Variants in SPEG observed in about 807,000 individuals in gnomAD.
SPEG encodes the protein striated muscle enriched protein kinase.
Under a neutral mutation model 300.4 loss-of-function variants are expected in SPEG, and 114 were observed. That is an observed-to-expected ratio of 0.38 (90% CI 0.33 to 0.44). SPEG has a LOEUF of 0.44. Among genes scored for constraint, SPEG ranks in the 20% least tolerant of loss-of-function variants. SPEG has a pLI of 1.00. For synonymous variants in SPEG, 1,964 were observed against 2,018.9 expected, an observed-to-expected ratio of 0.97 and a Z score of 0.73; for missense variants, 4,201 against 4,586.2, an observed-to-expected ratio of 0.92 and a Z score of 2.43.
At chr2:219,466,298 C>G (rs2125449432) in intron 9 of SPEG, 20 of 1,419,334 alleles carry the variant, frequency 1.4e-5, no homozygotes, top group South Asian at 4.6e-5. Flanking sequence ...CCAGGAGGCC[C>G]ACAGATGGAC....
intron 9 of SPEG, chr2:219,466,724 A>C: frequency 1.0e-6 from 1 of 1,001,554 alleles, no homozygotes; most frequent in Non-Finnish European, 1.2e-6. Context: ...CTTCTCTGTC[A>C]GGGCTGGGGT....
rs1454878313 is a variant in SPEG, at chr2:219,484,443, T to C, written c.6980T>C (p.Leu2327Ser). 6 of 1,611,174 alleles carry C rather than the reference T, an allele frequency of 3.7e-6. No individual in the cohort carries two copies. Among genetic ancestry groups the C allele is most frequent in the East Asian group, 2.2e-5 (1 of 44,826 alleles). ...GSSLSSSIEN[L>S]ESEAVFEAKF... ...AGTCTCAGTAGCAGCATCGAAAACTTGGAGTCGGAGGCCGTGTTCGAGGCC... is the reference window on the plus strand; with the variant it reads ...AGTCTCAGTAGCAGCATCGAAAACTCGGAGTCGGAGGCCGTGTTCGAGGCC... Residue 2327 changes from leucine to serine, a missense_variant, in exon 30 of 41, where the codon TTG (leucine) becomes TCG (serine). Leu to Ser is a moderately radical substitution (Grantham distance 145). Coordinates refer to ENST00000312358, the MANE Select transcript of SPEG (RefSeq NM_005876.5).
rs1161958739 is a variant in SPEG, at chr2:219,458,802, CA to C, written c.2441-3079del. Reference sequence around the variant, plus strand: ...TGCTTTTTAAAATGCAGTTTCCTGACATCTCATTTCAGAAAATCTAATTCTG... The same window carrying C: ...TGCTTTTTAAAATGCAGTTTCCTGACTCTCATTTCAGAAAATCTAATTCTG... On this transcript the variant is annotated intron_variant, in intron 6 of 40. Coordinates refer to ENST00000312358, the MANE Select transcript of SPEG (RefSeq NM_005876.5). This position sits in a 1 kb window ranked among gnomAD's most constrained non-coding sequence, Gnocchi z 4.2. 1.3e-5 allele frequency among the ~76,000 whole-genome samples: 2 copies of C among 152,322 alleles called. No homozygotes were observed. Among genetic ancestry groups the C allele is most frequent in the East Asian group, 3.9e-4 (2 of 5,188 alleles).
rs1458151064 is a variant in SPEG at position 219,489,727 on chromosome 2, G to A, written c.8709G>A (p.Val2903=). The A allele has an allele frequency of 4.3e-6, 7 of 1,613,990 alleles. No homozygotes were observed. The highest frequency in any genetic ancestry group is 5.9e-6 in the Non-Finnish European group (7 of 1,179,988). ...PVSSSTPVYV[V]TSFVSAPPAP... ...CTTCCTCTACTCCTGTGTATGTGGTGACTTCCTTTGTGTCTGCACCACCAG... is the reference window on the plus strand; with the variant it reads ...CTTCCTCTACTCCTGTGTATGTGGTAACTTCCTTTGTGTCTGCACCACCAG... The change falls in exon 36 of 41, where the codon GTG becomes GTA. Residue 2903 remains valine, a synonymous_variant. Coordinates refer to ENST00000312358, the MANE Select transcript of SPEG (RefSeq NM_005876.5).
chr2:219,444,074 C>T lies in SPEG; in HGVS notation c.389-579C>T. ...GCAAAGTTACGGTAGGAAACTGGCT[C>T]CTGCTCTAGCCCCCCGCATCCCCCC... On this transcript the variant is annotated intron_variant, in intron 1 of 40. Coordinates refer to ENST00000312358, the MANE Select transcript of SPEG (RefSeq NM_005876.5). The surrounding 1 kb of genome is among the most constrained non-coding windows in gnomAD (Gnocchi z 7.8). 7.3e-7 allele frequency: 1 copy of T among 1,363,360 alleles called. No individual in the cohort carries two copies. The highest frequency in any genetic ancestry group is 9.8e-7 in the Non-Finnish European group (1 of 1,020,544). 84.5% of individuals were successfully genotyped at this position (1,363,360 alleles called of 1,614,324 possible).
In SPEG at chr2:219,483,229, G is replaced by T; in HGVS notation, c.5766G>T (p.Ser1922=). Residue 1922 remains serine (S), a synonymous_variant, in exon 30 of 41, where the codon TCG becomes TCT. Coordinates refer to ENST00000312358, the MANE Select transcript of SPEG (RefSeq NM_005876.5). The part of the protein sequence containing the change: ...PPPSGGLSSS[S]DSEEEELEEL... ...CCAGTGGGGGGCTCTCATCCTCCTC[G>T]GATTCTGAAGAGGAAGAGCTGGAAG... 6.2e-7 allele frequency: 1 copy of T among 1,610,496 alleles called. No individual in the cohort carries two copies. The highest frequency in any genetic ancestry group is 8.5e-7 in the Non-Finnish European group (1 of 1,179,086).
chr2:219,444,769 A>G lies in SPEG; in HGVS notation c.478+27A>G, dbSNP rs777347043. The G allele has an allele frequency of 6.2e-7, 1 of 1,612,780 alleles. No homozygotes were observed. Among genetic ancestry groups the G allele is most frequent in the Non-Finnish European group, 8.5e-7 (1 of 1,179,260 alleles). On this transcript the variant is annotated intron_variant, in intron 2 of 40. Coordinates refer to ENST00000312358, the MANE Select transcript of SPEG (RefSeq NM_005876.5). This position sits in a 1 kb window ranked among gnomAD's most constrained non-coding sequence, Gnocchi z 7.8. ...TGAGCTCCTGGGGTGTACAAAGAGC[A>G]GGCAGGCGGGTTTTCCATAAGGGGT... is the stretch of plus-strand genomic sequence containing the variant.
At position 219,490,051 on chromosome 2, in the gene SPEG, G is replaced by A. The variant is rs540477497; in HGVS notation, c.8921+112G>A. The A allele has an allele frequency of 5.2e-5, 66 of 1,257,374 alleles. No homozygotes were observed. In the East Asian group the frequency reaches 1.5e-3, roughly 28 times the overall value. 77.9% of individuals were successfully genotyped at this position (1,257,374 alleles called of 1,614,324 possible). A position where few individuals can be genotyped will look rare whatever the true frequency, so the allele number is the denominator to read the frequency against. On this transcript the variant is annotated intron_variant, in intron 36 of 40. Transcript: ENST00000312358. ...CCTGGCTGGGGTGGGGGGAGGTGCT[G>A]AGACCTGGGTTATTAGAATGATTGC...
At position 219,439,771 on chromosome 2, in the gene SPEG, G is replaced by A. The variant is rs763847601; in HGVS notation, c.388+4406G>A. On this transcript the variant is annotated intron_variant, in intron 1 of 40. Transcript: ENST00000312358. The surrounding 1 kb of genome is among the most constrained non-coding windows in gnomAD (Gnocchi z 4.5). ...GGCCCCTCCTGGGCCCAGCTGTCCCGTCACTCACGCCCGCTGCCCATTGGT... is the reference window on the plus strand; with the variant it reads ...GGCCCCTCCTGGGCCCAGCTGTCCCATCACTCACGCCCGCTGCCCATTGGT... Among the ~76,000 whole-genome samples, 77 of 152,276 alleles carry A rather than the reference G, an allele frequency of 5.1e-4. No homozygotes were observed. The highest frequency in any genetic ancestry group is 8.2e-4 in the Non-Finnish European group (56 of 68,028).
chr2:219,467,780 T>G (rs1433730257), intron 10 of SPEG, among the ~76,000 whole-genome samples: 1 of 152,248 alleles, frequency 6.6e-6, no homozygotes, highest in Non-Finnish European at 1.5e-5. Context: ...ACAGGGATGG[T>G]GATCATTCCT....
rs761174365 is a variant in SPEG, at chr2:219,492,876, C to A, written c.*90C>A. The A allele has an allele frequency of 7.5e-7, 1 of 1,337,238 alleles. No homozygotes were observed. Among genetic ancestry groups the A allele is most frequent in the Non-Finnish European group, 1.0e-6 (1 of 967,602 alleles). The allele number at this position is 1,337,238 out of a possible 1,614,324, so 82.8% of individuals were successfully genotyped here. On this transcript the variant is annotated 3_prime_UTR_variant, in exon 41 of 41. Transcript: ENST00000312358. Reference sequence around the variant, plus strand: ...CAGGGCCCACGCTGAGCCAGGCGGGCCTGGGGCTTCGGTTACCACCAGCAG... The same window carrying A: ...CAGGGCCCACGCTGAGCCAGGCGGGACTGGGGCTTCGGTTACCACCAGCAG...
rs759243586 is a variant in SPEG at position 219,483,896 on chromosome 2, G to T, written c.6433G>T (p.Ala2145Ser). Residue 2145 changes from alanine (A) to serine (S), a missense_variant, in exon 30 of 41, where the codon GCG (alanine) becomes TCG (serine). Transcript: ENST00000312358. ...GGAGCCCCGGGGCCGGCACCGCCGA[G>T]CGGGGGCGCCCCTCGAGATCCCCGT... ...EAEPRGRHRR[A>S]GAPLEIPVAR... 1.2e-6 allele frequency: 2 copies of T among 1,600,702 alleles called. No individual in the cohort carries two copies. The highest frequency in any genetic ancestry group is 1.1e-5 in the South Asian group (1 of 90,854).
At chr2:219,453,369 G>T (rs914408837) in intron 6 of SPEG, among the ~76,000 whole-genome samples, 66 of 152,268 alleles carry the variant, frequency 4.3e-4, no homozygotes, top group Middle Eastern at 3.2e-3. Flanking sequence ...ACGGATGAAA[G>T]CGAATGTGTG....
Position 219,434,929 on chromosome 2 carries a change from C to A in SPEG, c.-49C>A. The A allele has an allele frequency of 7.0e-7, 1 of 1,426,186 alleles. No homozygotes were observed. Among genetic ancestry groups the A allele is most frequent in the Non-Finnish European group, 9.2e-7 (1 of 1,090,960 alleles). The allele number at this position is 1,426,186 out of a possible 1,614,324, so 88.3% of individuals were successfully genotyped here. A position where few individuals can be genotyped will look rare whatever the true frequency, so the allele number is the denominator to read the frequency against. ...CCTAGGGCACCGTCCCGCGGGTGCCCCCGTGGCCGCCCAGTTCCGGCGTCC... is the reference window on the plus strand; with the variant it reads ...CCTAGGGCACCGTCCCGCGGGTGCCACCGTGGCCGCCCAGTTCCGGCGTCC... On this transcript the variant is annotated 5_prime_UTR_variant, in exon 1 of 41. Coordinates refer to ENST00000312358, the MANE Select transcript of SPEG (RefSeq NM_005876.5).
chr2:219,462,336 T>C lies in SPEG; in HGVS notation c.2655T>C (p.Asp885=). The change falls in exon 8 of 41, where the codon GAT becomes GAC. Residue 885 remains aspartate, a synonymous_variant. Transcript: ENST00000312358. The part of the protein sequence containing the change: ...LMDQSVREGQ[D]VIMSIRVQGE... Reference sequence around the variant, plus strand: ...ACCAGTCAGTAAGAGAAGGCCAAGATGTCATCATGAGCATCCGCGTGCAGG... The same window carrying C: ...ACCAGTCAGTAAGAGAAGGCCAAGACGTCATCATGAGCATCCGCGTGCAGG... The C allele has an allele frequency of 1.9e-6, 3 of 1,570,218 alleles. No homozygotes were observed. The highest frequency in any genetic ancestry group is 2.6e-6 in the Non-Finnish European group (3 of 1,156,428).
intron 9 of SPEG, chr2:219,466,005 G>T: frequency 2.6e-6 from 4 of 1,527,790 alleles, no homozygotes; most frequent in Non-Finnish European, 3.6e-6. Context: ...GTGCGTGCGC[G>T]TATGCTGCAC....
At chr2:219,466,528 G>A in intron 9 of SPEG, 1 of 1,080,308 alleles carries the variant, frequency 9.3e-7, no homozygotes, top group South Asian at 3.3e-5. Context: ...CCAAGGAGCA[G>A]GGGCTGTTGA....
Position 219,472,896 on chromosome 2 carries a change from A to G in SPEG, c.3947A>G (p.Asp1316Gly). The G allele has an allele frequency of 1.9e-6, 3 of 1,581,126 alleles. No homozygotes were observed. The highest frequency in any genetic ancestry group is 1.1e-5 in the South Asian group (1 of 87,774). Residue 1316 changes from aspartate (D) to glycine (G), a missense_variant, in exon 16 of 41, where the codon GAC becomes GGC. Asp to Gly is a moderately conservative substitution (Grantham distance 94, BLOSUM62 -1). Around this residue, in one of 4 missense-constraint regions of SPEG, gnomAD observed 1,047 missense variants for 1,356.8 expected, o/e 0.77. Transcript: ENST00000312358. ...PRSLDMAIDP[D>G]SLTYTVQHQV... is the part of the protein sequence containing the mutation. ...GTAGCTCCTCTCCCGCCAGACCCGG[A>G]CTCCCTGACGTACACAGTGCAGCAC...
At chr2:219,465,787 G>A in intron 9 of SPEG, 1 of 576,018 alleles carries the variant, frequency 1.7e-6, no homozygotes, top group Non-Finnish European at 3.1e-6. Flanking sequence ...CCCTAGCCAG[G>A]TCTGCGTGCC....
Sources: gnomAD v4.1 joint callset for allele counts (sites outside exome capture counted in the v4.1 genomes callset) on GRCh38, gnomAD v4.1.1 for gene constraint, gnomAD v4.1.1 regional missense constraint, Gnocchi (gnomAD v3.1) non-coding constraint, MANE v1.5 for transcripts, NCBI Gene and HGNC (gene_info 2026-07-23, HGNC 2026-07-21) for gene names.